Variants in EPB41L4B observed in about 807,000 individuals in gnomAD.
EPB41L4B encodes band 4.1-like protein 4B.
EPB41L4B carries 30 observed loss-of-function variants against 112.5 expected under a neutral mutation model. The ratio of observed to expected loss-of-function variants is 0.27; its 90% confidence interval spans 0.20 to 0.36. The LOEUF is 0.36. EPB41L4B is among the 10% of genes least tolerant of loss of function. The probability of loss-of-function intolerance (pLI) is 1.00; values close to 1 mark genes in which losing one functional copy is unlikely to be tolerated. For missense variants in EPB41L4B, 1,024 were observed against 1,133.3 expected, an observed-to-expected ratio of 0.90 and a Z score of 1.38; for synonymous variants, 408 against 439.7, an observed-to-expected ratio of 0.93 and a Z score of 0.90.
chr9:109,259,465 A>T (rs1835117982), intron 6 of EPB41L4B, among the ~76,000 whole-genome samples: 1 of 152,152 alleles, frequency 6.6e-6, no homozygotes, highest in Non-Finnish European at 1.5e-5. Context: ...TGCTGCACAC[A>T]TCAGATCCCA....
chr9:109,212,134 A>G (rs952931251), intron 17 of EPB41L4B, among the ~76,000 whole-genome samples: 3 of 152,180 alleles, frequency 2.0e-5, no homozygotes, highest in Admixed American at 2.0e-4. Context: ...TGCTGTTGTC[A>G]ACGCTCCACC....
intron 1 of EPB41L4B, among the ~76,000 whole-genome samples, chr9:109,292,460 C>T (rs932566871): frequency 6.6e-6 from 1 of 152,156 alleles, no homozygotes; most frequent in African/African-American, 2.4e-5. Flanking sequence ...TCAGGCAAGG[C>T]AAGTCATGTA....
chr9:109,228,186 T>C (rs1408352546), intron 15 of EPB41L4B, among the ~76,000 whole-genome samples: 2 of 152,268 alleles, frequency 1.3e-5, no homozygotes, highest in East Asian at 1.9e-4. Flanking sequence ...ATTCTACTTA[T>C]CAGGTTAGAC....
chr9:109,311,471 A>G (rs1837411370), intron 1 of EPB41L4B, among the ~76,000 whole-genome samples: 1 of 152,154 alleles, frequency 6.6e-6, no homozygotes, highest in Non-Finnish European at 1.5e-5. Context: ...GGGGGGACTG[A>G]GCTGGGTAAC....
At chr9:109,279,669 G>A in intron 2 of EPB41L4B, 148 bp downstream of exon 2, 1 of 666,586 alleles carries the variant, frequency 1.5e-6, no homozygotes. Flanking sequence ...ATGGCACTTG[G>A]GCACCACAAC....
At chr9:109,211,905 G>GGT (rs564183520) in intron 17 of EPB41L4B, among the ~76,000 whole-genome samples, 1 of 31,050 alleles carries the variant, frequency 3.2e-5, no homozygotes, top group Non-Finnish European at 6.1e-5. Flanking sequence ...TAGTAGAGAT[G>GGT]GGGGGGGTCT....
rs1428078886 is a variant in EPB41L4B, at chr9:109,192,320, C to G, written c.2259G>C (p.Glu753Asp). ...PSDRGGAFTLEPGDLLMDFTE... is the reference protein window; with the variant it reads ...PSDRGGAFTLDPGDLLMDFTE... ...TGAAATCCATCAGAAGATCACCCGG[C>G]TCCAGGGTAAAGGCACCTCCTCGGT... The change falls in exon 22 of 26, where the codon GAG becomes GAC. Residue 753 changes from glutamate (E) to aspartate (D), a missense_variant. Glu to Asp is a conservative substitution (Grantham distance 45). Transcript: ENST00000374566. 2 of 1,612,494 alleles carry G rather than the reference C, an allele frequency of 1.2e-6. No homozygotes were observed. Among genetic ancestry groups the G allele is most frequent in the Non-Finnish European group, 1.7e-6 (2 of 1,179,324 alleles).
chr9:109,312,090 A>G (rs1837434434), intron 1 of EPB41L4B, among the ~76,000 whole-genome samples: 1 of 152,192 alleles, frequency 6.6e-6, no homozygotes, highest in Non-Finnish European at 1.5e-5. Flanking sequence ...TAGAATACAC[A>G]CAAAAGAGGG....
intron 25 of EPB41L4B, among the ~76,000 whole-genome samples, chr9:109,176,040 TCACACACACG>T (rs201161934): frequency 0.21 from 9,250 of 43,316 alleles, 380 homozygotes; most frequent in Admixed American, 0.32. Context: ...CTTGTCAATA[TCACACACACG>T]CACACACACA....
rs1245231293 is a variant in EPB41L4B, at chr9:109,258,386, T to TACAAA, written c.632-90_632-89insTTTGT. On this transcript the variant is annotated intron_variant, in intron 6 of 25. Coordinates refer to ENST00000374566, the MANE Select transcript of EPB41L4B (RefSeq NM_019114.5). ...CAGGTCCAAAGGCATTTTGCATCATTATAAAGCACAGCCCCCCGCCCCAAT... is the reference window on the plus strand; with the variant it reads ...CAGGTCCAAAGGCATTTTGCATCATTACAAAATAAAGCACAGCCCCCCGCCCCAAT... 2.1e-6 allele frequency: 3 copies of TACAAA among 1,442,292 alleles called. No individual in the cohort carries two copies. The Admixed American group carries it at 5.4e-5, about 26-fold the overall frequency. 89.3% of individuals were successfully genotyped at this position (1,442,292 alleles called of 1,614,324 possible).
rs764012092 is a variant in EPB41L4B, at chr9:109,182,744, T to G, written c.2472A>C (p.Thr824=). 4 of 1,612,048 alleles carry G rather than the reference T, an allele frequency of 2.5e-6. No homozygotes were observed. Among genetic ancestry groups the G allele is most frequent in the Admixed American group, 3.3e-5 (2 of 60,004 alleles). ...TMNPFPDTFT[T]GPQFTADFRD... ...ATCTACTTACAGTAAACTGTGGCCC[T>G]GTGGTGAAAGTATCAGGAAACGGGT... is the stretch of plus-strand genomic sequence containing the variant. Residue 824 remains threonine (T), a synonymous_variant, in exon 24 of 26, where the codon ACA becomes ACC. Transcript: ENST00000374566.
chr9:109,263,508 C>T (rs1192744628), intron 5 of EPB41L4B, among the ~76,000 whole-genome samples: 2 of 152,292 alleles, frequency 1.3e-5, no homozygotes, highest in East Asian at 1.9e-4. Context: ...AAGGTCATAG[C>T]GTTAAAAATA....
At chr9:109,238,147 G>A (rs550978956) in intron 15 of EPB41L4B, among the ~76,000 whole-genome samples, 1 of 152,280 alleles carries the variant, frequency 6.6e-6, no homozygotes, top group South Asian at 2.1e-4. Context: ...TCACAGAGTG[G>A]TCAGGAAATG....
Position 109,196,665 on chromosome 9 carries a change from C to T in EPB41L4B, c.2046-2268G>A, listed in dbSNP as rs539447024. 5.7e-5 allele frequency among the ~76,000 whole-genome samples: 8 copies of T among 141,542 alleles called. No individual in the cohort carries two copies. In the South Asian group the frequency reaches 1.6e-3, roughly 28 times the overall value. 92.9% of individuals were successfully genotyped at this position (141,542 alleles called of 152,430 possible). On this transcript the variant is annotated intron_variant, in intron 20 of 25. Coordinates refer to ENST00000374566, the MANE Select transcript of EPB41L4B (RefSeq NM_019114.5). ...CTGAATCACCTGAGGCTGCAGTGGG[C>T]TGTGATCGACCACTGCACTCCAGCT...
At chr9:109,221,314 G>A (rs74617438) in intron 15 of EPB41L4B, among the ~76,000 whole-genome samples, 3,780 of 152,292 alleles carry the variant, frequency 0.025, 58 homozygotes, top group Non-Finnish European at 0.039. Flanking sequence ...CAGGTCTGTG[G>A]ACCCCAAAGC....
At chr9:109,222,964 C>A (rs1833639542) in intron 15 of EPB41L4B, among the ~76,000 whole-genome samples, 1 of 152,140 alleles carries the variant, frequency 6.6e-6, no homozygotes, top group Non-Finnish European at 1.5e-5. Flanking sequence ...TGGCCTCCAA[C>A]TCCAGAAAAG....
intron 1 of EPB41L4B, among the ~76,000 whole-genome samples, chr9:109,293,911 A>G (rs967939600): frequency 9.2e-5 from 14 of 152,146 alleles, no homozygotes; most frequent in African/African-American, 3.4e-4. Flanking sequence ...ACTAGATGCA[A>G]TGTGTGGTCT....
chr9:109,220,549 C>G lies in EPB41L4B; in HGVS notation c.1410-3404G>C, dbSNP rs184022597. ...AACTGCCTTCTGGGATATTTTGAAG[C>G]TGTGTAAGCAGGGCTTGCAGACCTG... On this transcript the variant is annotated intron_variant, in intron 15 of 25. Coordinates refer to ENST00000374566, the MANE Select transcript of EPB41L4B (RefSeq NM_019114.5). 1.8e-4 allele frequency among the ~76,000 whole-genome samples: 27 copies of G among 152,272 alleles called. No homozygotes were observed. The East Asian group carries it at 5.2e-3, about 29-fold the overall frequency.
intron 17 of EPB41L4B, among the ~76,000 whole-genome samples, chr9:109,212,357 A>C (rs1022207040): frequency 6.6e-6 from 1 of 152,192 alleles, no homozygotes; most frequent in African/African-American, 2.4e-5. Context: ...ATTGGGTTGA[A>C]TCCCTAGCAG....
Sources: allele counts gnomAD v4.1 joint callset (sites outside exome capture counted in the v4.1 genomes callset), GRCh38; gene constraint gnomAD v4.1.1; transcripts MANE v1.5; gene names NCBI Gene and HGNC (gene_info 2026-07-23, HGNC 2026-07-21).